AK8: variants seen among roughly 807,000 people sequenced by gnomAD.
AK8 encodes the protein adenylate kinase 8, also known as ATP-AMP transphosphorylase 8.
A neutral mutation model predicts 54.6 loss-of-function variants in AK8; 44 were observed. That is an observed-to-expected ratio of 0.81 (90% confidence interval 0.63 to 1.04). AK8 has a LOEUF of 1.04. Ranked by LOEUF, AK8 falls within the 50% of genes least tolerant of loss-of-function variation. The pLI is 0.00. For missense variants in AK8, 555 were observed against 613.6 expected, an observed-to-expected ratio of 0.90 and a Z score of 1.01; for synonymous variants, 239 against 245.6, an observed-to-expected ratio of 0.97 and a Z score of 0.25.
chr9:132,866,120 C>T (rs1408725949), intron 3 of AK8, among the ~76,000 whole-genome samples: 2 of 152,158 alleles, frequency 1.3e-5, no homozygotes, highest in African/African-American at 4.8e-5. Context: ...ATCGCTTGAA[C>T]CTAGGAGGCA....
rs1367691472 is a variant in AK8, at chr9:132,791,643, C to T, written c.1121+991G>A. Among the ~76,000 whole-genome samples, 3 of 152,132 alleles carry T rather than the reference C, an allele frequency of 2.0e-5. No individual in the cohort carries two copies. The highest frequency in any genetic ancestry group is 4.4e-5 in the Non-Finnish European group (3 of 68,026). On this transcript the variant is annotated intron_variant, in intron 11 of 12. Transcript: ENST00000298545. This position sits in a 1 kb window ranked among gnomAD's most constrained non-coding sequence, Gnocchi z 4.0. ...AGAGAGGTACTACTGCAGAAATAGA[C>T]ACTCAGAAAAGAGAAAGTTCAGAAA...
intron 11 of AK8, among the ~76,000 whole-genome samples, chr9:132,761,459 C>T (rs1352384271): frequency 1.3e-5 from 2 of 151,968 alleles, no homozygotes; most frequent in Non-Finnish European, 2.9e-5. Context: ...GACAGGGTTT[C>T]GCCATGTTGG....
chr9:132,867,960 G>A (rs1458295772), intron 2 of AK8, among the ~76,000 whole-genome samples: 1 of 152,212 alleles, frequency 6.6e-6, no homozygotes, highest in Non-Finnish European at 1.5e-5. Flanking sequence ...GGGTTGAAAT[G>A]AAGGGAACAG....
At chr9:132,813,307 G>C (rs999047717) in intron 10 of AK8, among the ~76,000 whole-genome samples, 10 of 152,128 alleles carry the variant, frequency 6.6e-5, no homozygotes, top group Non-Finnish European at 1.5e-4. Flanking sequence ...GAGGGACTTG[G>C]GAGGGCTGGC....
At chr9:132,742,339 A>G (rs1837431429) in intron 11 of AK8, among the ~76,000 whole-genome samples, 1 of 152,050 alleles carries the variant, frequency 6.6e-6, no homozygotes, top group African/African-American at 2.4e-5. Flanking sequence ...ACTCCCAGCT[A>G]ATTTTTAAAA....
intron 9 of AK8, among the ~76,000 whole-genome samples, chr9:132,815,152 C>A (rs539236556): frequency 6.6e-6 from 1 of 152,324 alleles, no homozygotes; most frequent in South Asian, 2.1e-4. Flanking sequence ...CACATTTGCA[C>A]CCTTGTTACA....
At chr9:132,731,973 T>A (rs1422643823) in intron 11 of AK8, among the ~76,000 whole-genome samples, 1 of 152,200 alleles carries the variant, frequency 6.6e-6, no homozygotes, top group Non-Finnish European at 1.5e-5. Flanking sequence ...GTAATATGCA[T>A]TTATATATTT....
intron 4 of AK8, among the ~76,000 whole-genome samples, chr9:132,859,914 T>TG (rs1843319582): frequency 6.6e-6 from 1 of 151,772 alleles, no homozygotes; most frequent in African/African-American, 2.4e-5. Context: ...GAAGAAAAGG[T>TG]GGGGGTTTCT....
At chr9:132,784,245 C>T (rs939626506) in intron 11 of AK8, among the ~76,000 whole-genome samples, 3 of 151,560 alleles carry the variant, frequency 2.0e-5, no homozygotes, top group Non-Finnish European at 2.9e-5. Context: ...ATAGGCCGGG[C>T]GCAGTGGCTC....
At chr9:132,835,330 C>T (rs1287911751) in intron 5 of AK8, among the ~76,000 whole-genome samples, 1 of 152,120 alleles carries the variant, frequency 6.6e-6, no homozygotes, top group Admixed American at 6.6e-5. Flanking sequence ...TGAGGTTGGC[C>T]CCAAGATAGC....
intron 12 of AK8, among the ~76,000 whole-genome samples, chr9:132,726,164 C>T (rs1053837235): frequency 2.0e-5 from 3 of 152,088 alleles, no homozygotes; most frequent in African/African-American, 7.2e-5. Flanking sequence ...GATAGGAGGA[C>T]AGAATACAAT....
At chr9:132,778,391 T>C (rs1487625433) in intron 11 of AK8, among the ~76,000 whole-genome samples, 1 of 152,162 alleles carries the variant, frequency 6.6e-6, no homozygotes, top group African/African-American at 2.4e-5. Flanking sequence ...ATTTCCTAGT[T>C]CAGGCCTCCA....
chr9:132,734,816 G>T (rs892422983), intron 11 of AK8, among the ~76,000 whole-genome samples: 1 of 152,132 alleles, frequency 6.6e-6, no homozygotes, highest in Non-Finnish European at 1.5e-5. Flanking sequence ...GATCACCTGA[G>T]GTCAAGAGTT....
At chr9:132,878,340 C>T (rs112793979), upstream of AK8, 13 of 1,278,300 alleles carry the variant, frequency 1.0e-5, no homozygotes, top group African/African-American at 9.3e-5. The surrounding 1 kb of genome is among the most constrained non-coding windows in gnomAD (Gnocchi z 4.7). Context: ...GCCGCGGCCC[C>T]GCCCTGCAGG....
At chr9:132,748,794 A>G (rs2131004958) in intron 11 of AK8, among the ~76,000 whole-genome samples, 1 of 152,062 alleles carries the variant, frequency 6.6e-6, no homozygotes, top group South Asian at 2.1e-4. Flanking sequence ...TGTTTGCTAA[A>G]TATGGTTTGG....
chr9:132,824,597 A>G (rs1257916544), intron 8 of AK8, among the ~76,000 whole-genome samples: 2 of 152,234 alleles, frequency 1.3e-5, no homozygotes, highest in Admixed American at 1.3e-4. Flanking sequence ...TGCCTGCAGC[A>G]CAACCGCAAG....
intron 11 of AK8, among the ~76,000 whole-genome samples, chr9:132,732,482 G>T (rs1324485956): frequency 6.6e-6 from 1 of 152,132 alleles, no homozygotes; most frequent in Non-Finnish European, 1.5e-5. Flanking sequence ...GAGGCCCAGA[G>T]GTCACCAGTC....
chr9:132,772,313 G>A (rs150542288), intron 11 of AK8, among the ~76,000 whole-genome samples: 37 of 152,342 alleles, frequency 2.4e-4, no homozygotes, highest in African/African-American at 8.4e-4. Context: ...AAATTCACCT[G>A]TGAAGCCCTC....
chr9:132,779,924 T>TTA (rs1746412867), intron 11 of AK8, among the ~76,000 whole-genome samples: 1 of 152,200 alleles, frequency 6.6e-6, no homozygotes, highest in African/African-American at 2.4e-5. Context: ...TGACTGCCTT[T>TTA]TACCTGAGCA....
Sources: gnomAD v4.1 joint callset for allele counts (sites outside exome capture counted in the v4.1 genomes callset) on GRCh38, gnomAD v4.1.1 for gene constraint, Gnocchi (gnomAD v3.1) non-coding constraint, MANE v1.5 for transcripts, NCBI Gene and HGNC (gene_info 2026-07-23, HGNC 2026-07-21) for gene names.